The following AGBL1 variants were observed in gnomAD, a reference collection of about 807,000 sequenced individuals.
AGBL1 encodes the protein AGBL carboxypeptidase 1.
Under a neutral mutation model 118.9 loss-of-function variants are expected in AGBL1, and 130 were observed. That is an observed-to-expected ratio of 1.09 (90% CI 0.95 to 1.26). The LOEUF (loss-of-function observed/expected upper bound fraction) is 1.26, where lower values mean the gene tolerates loss of function less well. AGBL1 is among the 50% of genes most tolerant of loss of function. The pLI, the probability that AGBL1 is intolerant of heterozygous loss-of-function variation, is 0.00. For synonymous variants in AGBL1, 555 were observed against 478.9 expected (o/e 1.16, Z -2.08); for missense variants, 1,584 against 1,298.1 (o/e 1.22, Z -3.38).
intron 22 of AGBL1, among the ~76,000 whole-genome samples, chr15:86,755,789 A>T (rs1165560201): frequency 2.0e-5 from 3 of 152,086 alleles, no homozygotes; most frequent in Non-Finnish European, 4.4e-5. Flanking sequence ...GCAGCCTTGC[A>T]CTATTGTTAC....
intron 18 of AGBL1, among the ~76,000 whole-genome samples, chr15:86,465,185 C>T (rs758370071): frequency 5.3e-5 from 8 of 152,008 alleles, no homozygotes; most frequent in Non-Finnish European, 1.2e-4. Flanking sequence ...ATTTCTTATG[C>T]CTGTCTTTAC....
chr15:86,477,700 G>A (rs1236908818), intron 18 of AGBL1, among the ~76,000 whole-genome samples: 2 of 152,100 alleles, frequency 1.3e-5, no homozygotes, highest in African/African-American at 2.4e-5. Context: ...CCAATTAACA[G>A]AAAAAGAGGG....
chr15:86,698,520 T>C (rs2086301221), intron 22 of AGBL1, among the ~76,000 whole-genome samples: 1 of 151,940 alleles, frequency 6.6e-6, no homozygotes, highest in Non-Finnish European at 1.5e-5. Flanking sequence ...TGATGTTCTT[T>C]AGGGGAGATA....
At chr15:86,107,341 T>C (rs751456535) in intron 1 of AGBL1, among the ~76,000 whole-genome samples, 3 of 152,236 alleles carry the variant, frequency 2.0e-5, no homozygotes, top group African/African-American at 4.8e-5. Flanking sequence ...TGGAGAGAGC[T>C]GAGTTGCAAT....
intron 5 of AGBL1, among the ~76,000 whole-genome samples, chr15:86,187,049 C>T (rs2077643632): frequency 1.3e-5 from 2 of 152,170 alleles, no homozygotes; most frequent in African/African-American, 4.8e-5. Context: ...AAAGTTAAAG[C>T]ATTTGTAACT....
At chr15:86,476,768 C>G (rs1326697622) in intron 18 of AGBL1, among the ~76,000 whole-genome samples, 2 of 152,220 alleles carry the variant, frequency 1.3e-5, no homozygotes, top group African/African-American at 4.8e-5. Context: ...CCCAAATCAA[C>G]AGAATATACA....
chr15:86,560,993 T>C (rs1282953048), intron 21 of AGBL1, among the ~76,000 whole-genome samples: 1 of 152,238 alleles, frequency 6.6e-6, no homozygotes, highest in African/African-American at 2.4e-5. Context: ...GGTTGTTTTT[T>C]TCTTGTAAAT....
chr15:86,111,258 T>C (rs1897363620), intron 1 of AGBL1, among the ~76,000 whole-genome samples: 1 of 152,220 alleles, frequency 6.6e-6, no homozygotes, highest in Non-Finnish European at 1.5e-5. Context: ...GGACTGGGAA[T>C]GGGAGAAAGG....
intron 22 of AGBL1, among the ~76,000 whole-genome samples, chr15:86,675,780 C>T (rs1365651513): frequency 6.6e-6 from 1 of 152,072 alleles, no homozygotes; most frequent in Non-Finnish European, 1.5e-5. Flanking sequence ...CCTTCTTTCT[C>T]TTTTTCCCCC....
intron 23 of AGBL1, among the ~76,000 whole-genome samples, chr15:86,959,174 A>C (rs989772074): frequency 3.9e-5 from 6 of 152,152 alleles, no homozygotes; most frequent in African/African-American, 1.4e-4. Context: ...AGTATTTATT[A>C]ATCTTTGTTC....
At chr15:86,241,491 C>A (rs917464315) in intron 6 of AGBL1, among the ~76,000 whole-genome samples, 48 of 151,960 alleles carry the variant, frequency 3.2e-4, no homozygotes, top group African/African-American at 1.2e-3. Flanking sequence ...TTACAAAATC[C>A]CTGAGACTAG....
chr15:86,544,025 G>A (rs1222116103), intron 19 of AGBL1, among the ~76,000 whole-genome samples: 5 of 152,212 alleles, frequency 3.3e-5, no homozygotes, highest in Non-Finnish European at 5.9e-5. Flanking sequence ...TTTCCTTGGA[G>A]AATAGGTGAG....
At chr15:86,244,090 T>A (rs62013796) in intron 6 of AGBL1, among the ~76,000 whole-genome samples, 5,415 of 93,348 alleles carry the variant, frequency 0.058, 321 homozygotes, top group African/African-American at 0.18. Flanking sequence ...TAAATAAATA[T>A]ATATATAAGT....
At position 86,708,052 on chromosome 15, in the gene AGBL1, G is replaced by T. The variant is rs537748399; in HGVS notation, c.3158+33616G>T. 1.3e-5 allele frequency among the ~76,000 whole-genome samples: 2 copies of T among 152,188 alleles called. 1 individual carries two copies. The highest frequency in any genetic ancestry group is 4.1e-4 in the South Asian group (2 of 4,822). On this transcript the variant is annotated intron_variant, in intron 22 of 22. Transcript: ENST00000614907. Reference sequence around the variant, plus strand: ...TTTCCTTCTGTAGTCTGTAGCTACTGCTTGACAATTGCCATTCTTAATATT... The same window carrying T: ...TTTCCTTCTGTAGTCTGTAGCTACTTCTTGACAATTGCCATTCTTAATATT...
chr15:86,281,279 G>C (rs957318508), intron 16 of AGBL1, among the ~76,000 whole-genome samples: 7 of 152,132 alleles, frequency 4.6e-5, no homozygotes, highest in African/African-American at 1.7e-4. Flanking sequence ...AGCTACTTGG[G>C]AGGCTGAGTT....
rs78616476 is a variant in AGBL1, at chr15:86,810,655, G to C, written c.3159-96432G>C. On this transcript the variant is annotated intron_variant, in intron 22 of 22. Coordinates refer to ENST00000614907, the MANE Select transcript of AGBL1 (RefSeq NM_001386094.1). ...ATTTCTCAGAATTCTTGAGTTCAGA[G>C]TTCTCTCTGTACTGAAGCTTGTGTG... 9.1e-3 allele frequency among the ~76,000 whole-genome samples: 1,387 copies of C among 152,242 alleles called. 26 individuals are homozygous for C. The highest frequency in any genetic ancestry group is 0.032 in the African/African-American group (1,315 of 41,534).
chr15:86,713,387 T>C (rs997038), intron 22 of AGBL1, among the ~76,000 whole-genome samples: 3 of 152,198 alleles, frequency 2.0e-5, no homozygotes, highest in Non-Finnish European at 4.4e-5. Flanking sequence ...TTCTAAAATA[T>C]ACAAATCCAT....
intron 18 of AGBL1, among the ~76,000 whole-genome samples, chr15:86,491,283 T>C (rs778568344): frequency 6.6e-6 from 1 of 152,062 alleles, no homozygotes; most frequent in South Asian, 2.1e-4. Context: ...AACAGCATGG[T>C]ATATGTGGAA....
chr15:86,084,053 A>T (rs760929654), intron 1 of AGBL1, among the ~76,000 whole-genome samples: 105 of 152,238 alleles, frequency 6.9e-4, no homozygotes, highest in Non-Finnish European at 1.5e-3. Flanking sequence ...CATAGAAACA[A>T]ACTGAAAACT....
Sources: allele counts gnomAD v4.1 joint callset (sites outside exome capture counted in the v4.1 genomes callset), GRCh38; gene constraint gnomAD v4.1.1; transcripts MANE v1.5; gene names NCBI Gene and HGNC (gene_info 2026-07-23, HGNC 2026-07-21).